Variants in HYDIN observed in about 807,000 individuals in gnomAD.
The protein encoded by HYDIN is HYDIN axonemal central pair apparatus protein.
In HYDIN, 132 loss-of-function variants were observed where a neutral mutation model predicts 403.9. The observed-to-expected ratio is 0.33, with a 90% CI of 0.28 to 0.38. HYDIN has a LOEUF of 0.38. HYDIN is among the 10% of genes least tolerant of loss of function. The probability of loss-of-function intolerance (pLI) is 1.00; values close to 1 mark genes in which losing one functional copy is unlikely to be tolerated. For synonymous variants in HYDIN, 1,202 were observed against 1,891.7 expected, an observed-to-expected ratio of 0.64 and a Z score of 9.46; for missense variants, 2,827 against 5,009.5, an observed-to-expected ratio of 0.56 and a Z score of 13.15.
At chr16:71,029,948 A>T (rs962365218) in intron 19 of HYDIN, among the ~76,000 whole-genome samples, 1 of 152,176 alleles carries the variant, frequency 6.6e-6, no homozygotes, top group African/African-American at 2.4e-5. Context: ...TTCAAATTCA[A>T]CTGGCCCCCA....
chr16:70,990,431 A>T (rs1303459572), intron 25 of HYDIN, among the ~76,000 whole-genome samples: 1 of 133,722 alleles, frequency 7.5e-6, no homozygotes, highest in Non-Finnish European at 1.6e-5. Flanking sequence ...AAAAAAAAAA[A>T]GCTTAGGTCA....
intron 77 of HYDIN, among the ~76,000 whole-genome samples, chr16:70,836,961 G>A (rs2037469008): frequency 6.6e-6 from 1 of 152,312 alleles, no homozygotes; most frequent in East Asian, 1.9e-4. Flanking sequence ...TTGCTCCTAT[G>A]GCTTGATGGG....
chr16:71,217,831 A>C (rs2088970623), intron 1 of HYDIN, among the ~76,000 whole-genome samples: 1 of 152,170 alleles, frequency 6.6e-6, no homozygotes, highest in Non-Finnish European at 1.5e-5. Context: ...TTTGCGGGAG[A>C]GCCATTCACG....
intron 75 of HYDIN, among the ~76,000 whole-genome samples, chr16:70,843,972 A>T: frequency 7.4e-6 from 1 of 135,956 alleles, no homozygotes; most frequent in African/African-American, 3.3e-5. Context: ...GGTTGCGAAA[A>T]TTTTCTCCCA....
In HYDIN at chr16:70,804,622, G is replaced by A. The variant is rs1013048211; in HGVS notation, c.*2958C>T. Reference sequence around the variant, plus strand: ...AGGACCAAGAATAAATATCTCAAACGGAAAACTTAACGTTTCCTAATGTTC... The same window carrying A: ...AGGACCAAGAATAAATATCTCAAACAGAAAACTTAACGTTTCCTAATGTTC... On this transcript the variant is annotated 3_prime_UTR_variant, in exon 86 of 86. Coordinates refer to ENST00000393567, the MANE Select transcript of HYDIN (RefSeq NM_001270974.2). Among the ~76,000 whole-genome samples, 3 of 116,838 alleles carry A rather than the reference G, an allele frequency of 2.6e-5. No homozygotes were observed. Among genetic ancestry groups the A allele is most frequent in the African/African-American group, 7.6e-5 (2 of 26,276 alleles). 76.7% of individuals were successfully genotyped at this position (116,838 alleles called of 152,430 possible).
chr16:70,845,696 T>A (rs1023224445), intron 75 of HYDIN, among the ~76,000 whole-genome samples: 1 of 137,338 alleles, frequency 7.3e-6, no homozygotes, highest in South Asian at 2.2e-4. Context: ...TGGTAAACTA[T>A]TGTTTATTGC....
chr16:70,980,825 G>A lies in HYDIN; in HGVS notation c.4510+566C>T, dbSNP rs1386847382. On this transcript the variant is annotated intron_variant, in intron 29 of 85. Transcript: ENST00000393567. ...ATGGCTAAAAGGGCTGCTCAGCTGA[G>A]GTTCGGAATCTGCCAAGACAGAAAT... 3.3e-5 allele frequency among the ~76,000 whole-genome samples: 5 copies of A among 152,190 alleles called. No individual in the cohort carries two copies. The East Asian group carries it at 9.6e-4, about 29-fold the overall frequency.
At chr16:71,143,425 A>G (rs1270749814) in intron 7 of HYDIN, among the ~76,000 whole-genome samples, 1 of 152,192 alleles carries the variant, frequency 6.6e-6, no homozygotes, top group Non-Finnish European at 1.5e-5. Flanking sequence ...CTATGAACTT[A>G]TAGAAACCTT....
chr16:70,831,529 C>CAAAAAAA (rs57465488), intron 80 of HYDIN, among the ~76,000 whole-genome samples: 1 of 91,560 alleles, frequency 1.1e-5, no homozygotes, highest in Non-Finnish European at 2.3e-5. Context: ...AAAAAAAAAC[C>CAAAAAAA]AAAAAAAAAA....
intron 4 of HYDIN, 179 bp from the exon 5 acceptor site, chr16:71,175,920 A>G (rs1192335311): frequency 1.2e-5 from 8 of 684,426 alleles, no homozygotes; most frequent in Non-Finnish European, 1.6e-5. Context: ...TAAGCACCCA[A>G]TACCTTCTAG....
chr16:71,177,427 C>T (rs2086713926), intron 4 of HYDIN, among the ~76,000 whole-genome samples: 1 of 152,158 alleles, frequency 6.6e-6, no homozygotes, highest in South Asian at 2.1e-4. Flanking sequence ...ATCTTGTGTA[C>T]CTCCAGTTCT....
intron 40 of HYDIN, among the ~76,000 whole-genome samples, chr16:70,953,683 A>G (rs1440579068): frequency 6.6e-6 from 1 of 151,866 alleles, no homozygotes; most frequent in Non-Finnish European, 1.5e-5. Flanking sequence ...TTTCATGGAG[A>G]AAGACTCTCC....
In HYDIN at chr16:70,844,795, T is replaced by C. The variant is rs2143558180; in HGVS notation, c.12874-4562A>G. On this transcript the variant is annotated intron_variant, in intron 75 of 85. Coordinates refer to ENST00000393567, the MANE Select transcript of HYDIN (RefSeq NM_001270974.2). ...AGTTGGATTCCTAGGTATTTTATTC[T>C]CTTTGAAGCAATTGTGAATGGGAGT... 2.0e-5 allele frequency among the ~76,000 whole-genome samples: 3 copies of C among 149,118 alleles called. No individual in the cohort carries two copies. In the Middle Eastern group the frequency reaches 0.01, roughly 507 times the overall value.
intron 3 of HYDIN, among the ~76,000 whole-genome samples, chr16:71,181,932 T>C (rs576066155): frequency 2.3e-4 from 35 of 152,202 alleles, no homozygotes; most frequent in African/African-American, 8.4e-4. Context: ...GACAAGGAGA[T>C]GGCAGACTGG....
intron 42 of HYDIN, among the ~76,000 whole-genome samples, chr16:70,942,478 C>A (rs1312517107): frequency 2.6e-5 from 4 of 152,140 alleles, no homozygotes; most frequent in Non-Finnish European, 1.5e-5. Flanking sequence ...TCACAGGCAG[C>A]AGGGGGAGCA....
chr16:71,047,413 G>A (rs2144218770), intron 18 of HYDIN, among the ~76,000 whole-genome samples: 1 of 150,460 alleles, frequency 6.6e-6, no homozygotes, highest in East Asian at 2.0e-4. Flanking sequence ...TTAAGCTTTG[G>A]CAAAATGAAA....
intron 30 of HYDIN, among the ~76,000 whole-genome samples, 152 bp downstream of exon 30, chr16:70,978,760 ACC>A: frequency 6.6e-6 from 1 of 152,064 alleles, no homozygotes; most frequent in Admixed American, 6.5e-5. Flanking sequence ...TACCTCAGAG[ACC>A]ATGTCCTTGC....
chr16:71,191,724 T>C (rs1171517111), intron 1 of HYDIN, among the ~76,000 whole-genome samples: 1 of 152,142 alleles, frequency 6.6e-6, no homozygotes, highest in Non-Finnish European at 1.5e-5. Flanking sequence ...AGAGGGTTTA[T>C]CCCACTCAGA....
chr16:70,815,424 C>G (rs1007613028), intron 84 of HYDIN, among the ~76,000 whole-genome samples: 1 of 148,768 alleles, frequency 6.7e-6, no homozygotes, highest in Non-Finnish European at 1.5e-5. Context: ...TCTCCACCCC[C>G]TTCTCTTAAA....
Sources: gnomAD v4.1 joint callset for allele counts (sites outside exome capture counted in the v4.1 genomes callset) on GRCh38, gnomAD v4.1.1 for gene constraint, MANE v1.5 for transcripts, NCBI Gene and HGNC (gene_info 2026-07-23, HGNC 2026-07-21) for gene names.